The following NETO2 variants were observed in gnomAD, a reference collection of about 807,000 sequenced individuals.
NETO2 encodes neuropilin and tolloid-like protein 2.
In NETO2, 28 loss-of-function variants were observed where a neutral mutation model predicts 62.5. That is an observed-to-expected ratio of 0.45 (90% CI 0.33 to 0.61). The LOEUF is 0.61. NETO2 is among the 20% of genes least tolerant of loss of function. The pLI is 0.02. For missense variants in NETO2, 548 were observed against 643.2 expected, an observed-to-expected ratio of 0.85 and a Z score of 1.60; for synonymous variants, 214 against 219.1, an observed-to-expected ratio of 0.98 and a Z score of 0.21.
chr16:47,142,018 G>A (rs1301549021), intron 1 of NETO2, among the ~76,000 whole-genome samples: 1 of 152,204 alleles, frequency 6.6e-6, no homozygotes, highest in Non-Finnish European at 1.5e-5. Context: ...TCATCCGGGG[G>A]TGCTCTCGGA....
chr16:47,132,464 TTA>T (rs1964285287), intron 1 of NETO2, among the ~76,000 whole-genome samples: 1 of 152,178 alleles, frequency 6.6e-6, no homozygotes, highest in Admixed American at 6.5e-5. Context: ...GAGAACATTC[TTA>T]ATCAAGACAG....
At chr16:47,096,859 T>A (rs1963436832) in intron 7 of NETO2, among the ~76,000 whole-genome samples, 1 of 151,972 alleles carries the variant, frequency 6.6e-6, no homozygotes, top group South Asian at 2.1e-4. Context: ...CTGGGACTGG[T>A]TAGACAGTGG....
At chr16:47,129,513 A>G (rs1964222843) in intron 2 of NETO2, 149 bp from the exon 3 acceptor site, 3 of 789,004 alleles carry the variant, frequency 3.8e-6, no homozygotes, top group Non-Finnish European at 6.0e-6. Flanking sequence ...CAATAAATTG[A>G]GTACAGAAGT....
chr16:47,093,159 T>C (rs1408236375), intron 7 of NETO2, among the ~76,000 whole-genome samples: 1 of 152,216 alleles, frequency 6.6e-6, no homozygotes, highest in Non-Finnish European at 1.5e-5. Flanking sequence ...TTTGATTTTT[T>C]TCAAAGGGCT....
At chr16:47,123,544 TACC>T (rs1289773089) in intron 4 of NETO2, among the ~76,000 whole-genome samples, 2 of 152,130 alleles carry the variant, frequency 1.3e-5, no homozygotes, top group Admixed American at 6.5e-5. Context: ...GTATATTTTT[TACC>T]ACAATAAAAA....
chr16:47,123,961 T>C (rs1284374502), intron 4 of NETO2, among the ~76,000 whole-genome samples: 1 of 152,216 alleles, frequency 6.6e-6, no homozygotes, highest in Non-Finnish European at 1.5e-5. Flanking sequence ...CCTTCCAAAG[T>C]GCTGGAATTA....
intron 7 of NETO2, among the ~76,000 whole-genome samples, chr16:47,089,893 A>G (rs1963277390): frequency 6.6e-6 from 1 of 152,166 alleles, no homozygotes; most frequent in South Asian, 2.1e-4. Flanking sequence ...TTATTTATAT[A>G]TCACACTGTA....
intron 7 of NETO2, among the ~76,000 whole-genome samples, chr16:47,101,329 T>C (rs980044741): frequency 1.3e-5 from 2 of 152,108 alleles, no homozygotes; most frequent in African/African-American, 4.8e-5. Flanking sequence ...GCCAATATCA[T>C]ACTGAATGGG....
At chr16:47,142,339 G>A (rs141711467) in intron 1 of NETO2, among the ~76,000 whole-genome samples, 18 of 152,282 alleles carry the variant, frequency 1.2e-4, no homozygotes, top group East Asian at 9.6e-4. Flanking sequence ...TTTACAGTGG[G>A]GTAGTTAAAC....
intron 1 of NETO2, 100 bp downstream of exon 1, chr16:47,143,479 G>C: frequency 8.4e-7 from 1 of 1,185,144 alleles, no homozygotes; most frequent in Non-Finnish European, 1.0e-6. Flanking sequence ...AGGCGCGTCG[G>C]GTCCCGGGCG....
chr16:47,108,656 A>G (rs1479836154), intron 7 of NETO2, among the ~76,000 whole-genome samples: 1 of 152,240 alleles, frequency 6.6e-6, no homozygotes, highest in Non-Finnish European at 1.5e-5. Flanking sequence ...ACTGTCACAG[A>G]TGGAGAAGGC....
intron 4 of NETO2, among the ~76,000 whole-genome samples, chr16:47,126,652 T>C (rs148178883): frequency 8.5e-5 from 13 of 152,318 alleles, no homozygotes; most frequent in Non-Finnish European, 1.5e-4. Context: ...GCATGGATGT[T>C]GGCTCATCAT....
At chr16:47,090,110 AC>A (rs896888976) in intron 7 of NETO2, among the ~76,000 whole-genome samples, 14 of 149,254 alleles carry the variant, frequency 9.4e-5, no homozygotes, top group African/African-American at 2.0e-4. Context: ...ACATCATGTG[AC>A]CCCCCCCTTT....
chr16:47,087,539 T>G (rs1200231472), intron 7 of NETO2, among the ~76,000 whole-genome samples: 3 of 152,098 alleles, frequency 2.0e-5, no homozygotes, highest in Non-Finnish European at 2.9e-5. Flanking sequence ...GGTTGCACAA[T>G]AATGTGAATG....
In NETO2 at chr16:47,109,896, T is replaced by C. The variant is rs1199875328; in HGVS notation, c.655-185A>G. Among the ~76,000 whole-genome samples, 3 of 152,230 alleles carry C rather than the reference T, an allele frequency of 2.0e-5. No homozygotes were observed. The East Asian group carries it at 5.8e-4, about 29-fold the overall frequency. ...AATGATCTGTTTCTTTGGTTGTCTT[T>C]ATAATGGAACCAAGCATTAAGGAAC... On this transcript the variant is annotated intron_variant, in intron 6 of 8. Coordinates refer to ENST00000562435, the MANE Select transcript of NETO2 (RefSeq NM_018092.5).
In NETO2 at chr16:47,083,159, A is replaced by G. The variant is rs951294525; in HGVS notation, c.*62T>C. The G allele has an allele frequency of 4.2e-6, 6 of 1,436,736 alleles. No individual in the cohort carries two copies. Among genetic ancestry groups the G allele is most frequent in the Admixed American group, 2.1e-5 (1 of 47,978 alleles). 89.0% of individuals were successfully genotyped at this position (1,436,736 alleles called of 1,614,324 possible). The stretch of plus-strand genomic sequence containing the variant: ...AAAAGGGTTGGCTGCTGGAAACAGT[A>G]TGGTGCCCTGGAGGCTGCGTACGTA... On this transcript the variant is annotated 3_prime_UTR_variant, in exon 9 of 9. Coordinates refer to ENST00000562435, the MANE Select transcript of NETO2 (RefSeq NM_018092.5).
rs764325897 is a variant in NETO2 at position 47,133,058 on chromosome 16, G to A, written c.35-1033C>T. ...CTGCTAAATAAATGATGGATATTAG[G>A]ACAAACCAGCATCCACAAGGAATCA... On this transcript the variant is annotated intron_variant, in intron 1 of 8. Transcript: ENST00000562435. Among the ~76,000 whole-genome samples, 95 of 152,270 alleles carry A rather than the reference G, an allele frequency of 6.2e-4. No homozygotes were observed. In the Middle Eastern group the frequency reaches 0.014, roughly 22 times the overall value.
intron 8 of NETO2, among the ~76,000 whole-genome samples, chr16:47,085,760 C>T (rs1963175517): frequency 6.6e-6 from 1 of 152,080 alleles, no homozygotes; most frequent in Non-Finnish European, 1.5e-5. Flanking sequence ...CACCACATCC[C>T]AGGTCTATGA....
At chr16:47,094,076 G>A (rs1425499839) in intron 7 of NETO2, among the ~76,000 whole-genome samples, 1 of 152,148 alleles carries the variant, frequency 6.6e-6, no homozygotes, top group Non-Finnish European at 1.5e-5. Context: ...AGATGAATCT[G>A]AGGAAACAGT....
Sources: gnomAD v4.1 joint callset for allele counts (sites outside exome capture counted in the v4.1 genomes callset) on GRCh38, gnomAD v4.1.1 for gene constraint, MANE v1.5 for transcripts, NCBI Gene and HGNC (gene_info 2026-07-23, HGNC 2026-07-21) for gene names.